Variants in COL5A1 observed in about 807,000 individuals in gnomAD.
COL5A1 encodes collagen type V alpha 1 chain.
A neutral mutation model predicts 263.7 loss-of-function variants in COL5A1; 16 were observed. The observed-to-expected ratio is 0.06, with a 90% CI of 0.04 to 0.09. The LOEUF (loss-of-function observed/expected upper bound fraction) is 0.09, where lower values mean the gene tolerates loss of function less well. COL5A1 is among the 10% of genes least tolerant of loss of function. The pLI is 1.00. For missense variants in COL5A1, 2,036 were observed against 2,540.5 expected (o/e 0.80, Z 4.27); for synonymous variants, 1,012 against 1,004.5 (o/e 1.01, Z -0.14).
At chr9:134,798,214 G>A (rs985108706) in intron 36 of COL5A1, among the ~76,000 whole-genome samples, 194 bp from the exon 37 acceptor site, 15 of 152,234 alleles carry the variant, frequency 9.9e-5, no homozygotes, top group Non-Finnish European at 1.5e-4. Context: ...GATTTTGTAC[G>A]AGGACAGGCA....
chr9:134,672,450 A>G (rs1175994514), intron 1 of COL5A1, among the ~76,000 whole-genome samples: 1 of 152,218 alleles, frequency 6.6e-6, no homozygotes, highest in East Asian at 1.9e-4. Flanking sequence ...CCATGCCTGT[A>G]TTTGCAAAAT....
Position 134,731,659 on chromosome 9 carries a change from A to C in COL5A1, c.1328A>C (p.Glu443Ala). 2 of 1,612,688 alleles carry C rather than the reference A, an allele frequency of 1.2e-6. No individual in the cohort carries two copies. The highest frequency in any genetic ancestry group is 8.5e-7 in the Non-Finnish European group (1 of 1,179,412). Reference sequence around the variant, plus strand: ...CCGGCGAACCAGGATACCATCTATGAAGGGGTGAGAGGGTGCAGGCCCCCG... The same window carrying C: ...CCGGCGAACCAGGATACCATCTATGCAGGGGTGAGAGGGTGCAGGCCCCCG... The part of the protein sequence containing the change: ...GMPANQDTIY[E>A]GIGGPRGEKG... The change falls in exon 8 of 66, where the codon GAA (glutamate) becomes GCA (alanine). Residue 443 changes from glutamate (E) to alanine (A), a missense_variant. By Grantham distance (107) the Glu-to-Ala change is moderately radical. Coordinates refer to ENST00000371817, the MANE Select transcript of COL5A1 (RefSeq NM_000093.5).
intron 27 of COL5A1, among the ~76,000 whole-genome samples, chr9:134,778,530 C>T (rs552899556): frequency 3.9e-5 from 6 of 152,328 alleles, no homozygotes; most frequent in East Asian, 1.9e-4. Flanking sequence ...TGTTTGGAGT[C>T]GGCCTCCCTG....
intron 1 of COL5A1, among the ~76,000 whole-genome samples, chr9:134,669,129 C>A (rs1832449458): frequency 6.6e-6 from 1 of 151,830 alleles, no homozygotes; most frequent in Non-Finnish European, 1.5e-5. Context: ...AATCACCCAC[C>A]CATCCACCCT....
At chr9:134,722,258 C>A (rs769184262) in intron 4 of COL5A1, among the ~76,000 whole-genome samples, 1 of 152,212 alleles carries the variant, frequency 6.6e-6, no homozygotes, top group Non-Finnish European at 1.5e-5. Context: ...GGGCAGGCCA[C>A]AAAGCAGGGC....
At chr9:134,829,309 C>A (rs935449180) in intron 63 of COL5A1, among the ~76,000 whole-genome samples, 2 of 151,110 alleles carry the variant, frequency 1.3e-5, no homozygotes, top group Non-Finnish European at 3.0e-5. Flanking sequence ...AGGGCTGGGG[C>A]CAGGCTCCTC....
intron 18 of COL5A1, among the ~76,000 whole-genome samples, chr9:134,759,076 T>C (rs1372558248): frequency 6.6e-6 from 1 of 152,074 alleles, no homozygotes; most frequent in Non-Finnish European, 1.5e-5. Context: ...GGGCCTGACA[T>C]GAGGGCTCTT....
intron 11 of COL5A1, among the ~76,000 whole-genome samples, chr9:134,744,175 C>T (rs1835388473): frequency 1.3e-5 from 2 of 152,190 alleles, no homozygotes; most frequent in Admixed American, 1.3e-4. Context: ...CTCCCAGGCT[C>T]CTGTGGATGG....
At chr9:134,828,142 G>A (rs910539623) in intron 63 of COL5A1, among the ~76,000 whole-genome samples, 1 of 152,170 alleles carries the variant, frequency 6.6e-6, no homozygotes, top group Admixed American at 6.5e-5. Context: ...GCACCCTCAG[G>A]CAGCCGGGGC....
intron 1 of COL5A1, among the ~76,000 whole-genome samples, chr9:134,658,407 G>T (rs1832090900): frequency 6.6e-6 from 1 of 152,152 alleles, no homozygotes; most frequent in Admixed American, 6.5e-5. Context: ...GTTCTGCTGG[G>T]ACAGCCCTGG....
intron 6 of COL5A1, 39 bp downstream of exon 6, chr9:134,728,846 TC>T (rs1184381708): frequency 1.2e-6 from 2 of 1,613,060 alleles, no homozygotes; most frequent in Non-Finnish European, 1.7e-6. Flanking sequence ...GCTGGGCCCC[TC>T]GAGGCCATGG....
At chr9:134,731,760 A>T (rs1834891552) in intron 8 of COL5A1, 97 bp downstream of exon 8, 3 of 1,331,092 alleles carry the variant, frequency 2.3e-6, no homozygotes, top group Non-Finnish European at 3.1e-6. Flanking sequence ...GTGGGCCTCT[A>T]CGGGCAGCTC....
At chr9:134,766,917 G>A in intron 22 of COL5A1, 83 bp from the exon 23 acceptor site, 2 of 1,303,260 alleles carry the variant, frequency 1.5e-6, no homozygotes, top group Admixed American at 1.9e-5. Context: ...AGGATGGGAG[G>A]CCAGTGAGGG....
intron 29 of COL5A1, 138 bp downstream of exon 29, chr9:134,782,858 A>G: frequency 1.1e-6 from 1 of 878,830 alleles, no homozygotes; most frequent in Non-Finnish European, 1.9e-6. Flanking sequence ...CCTGGTGGGA[A>G]GGGGACAGTG....
At chr9:134,705,950 C>T (rs1262581314) in intron 4 of COL5A1, among the ~76,000 whole-genome samples, 1 of 152,228 alleles carries the variant, frequency 6.6e-6, no homozygotes, top group East Asian at 1.9e-4. Flanking sequence ...GGCGAGTGCT[C>T]CGGGGCGCCT....
At chr9:134,769,735 G>A (rs535578187) in intron 25 of COL5A1, among the ~76,000 whole-genome samples, 3 of 151,832 alleles carry the variant, frequency 2.0e-5, no homozygotes, top group Non-Finnish European at 4.4e-5. Flanking sequence ...GAGGAAGGGG[G>A]GCCTGGGTGT....
intron 60 of COL5A1, 58 bp downstream of exon 60, chr9:134,823,091 T>A: frequency 6.3e-6 from 10 of 1,590,022 alleles, no homozygotes; most frequent in Non-Finnish European, 8.6e-6. Flanking sequence ...GGGCGACGGG[T>A]CCCCTGGCAC....
intron 1 of COL5A1, among the ~76,000 whole-genome samples, chr9:134,662,797 G>A (rs985618351): frequency 6.6e-6 from 1 of 152,212 alleles, no homozygotes; most frequent in Non-Finnish European, 1.5e-5. Context: ...GGGCTGCAAA[G>A]CGATGCTCTG....
intron 20 of COL5A1, among the ~76,000 whole-genome samples, chr9:134,764,024 T>C (rs1375564158): frequency 1.3e-5 from 1 of 78,400 alleles, no homozygotes; most frequent in Non-Finnish European, 2.5e-5. Flanking sequence ...CTGGGGGCAT[T>C]GTGGGGAGTC....
Sources: allele counts gnomAD v4.1 joint callset (sites outside exome capture counted in the v4.1 genomes callset), GRCh38; gene constraint gnomAD v4.1.1; transcripts MANE v1.5; gene names NCBI Gene and HGNC (gene_info 2026-07-23, HGNC 2026-07-21).